The following GRIA4 variants were observed in gnomAD, a reference collection of about 807,000 sequenced individuals.
GRIA4 encodes glutamate receptor 4.
Under a neutral mutation model 104.0 loss-of-function variants are expected in GRIA4, and 34 were observed. The observed-to-expected ratio is 0.33, with a 90% CI of 0.25 to 0.44. The LOEUF (loss-of-function observed/expected upper bound fraction) is 0.44. GRIA4 is among the 20% of genes least tolerant of loss of function. The pLI is 1.00. For missense variants in GRIA4, 750 were observed against 1,096.5 expected (o/e 0.68, Z 4.46); for synonymous variants, 386 against 381.9 (o/e 1.01, Z -0.13).
chr11:105,748,577 T>G (rs1591187338), intron 3 of GRIA4, among the ~76,000 whole-genome samples: 1 of 151,860 alleles, frequency 6.6e-6, no homozygotes, highest in South Asian at 2.1e-4. Context: ...TAGAGACGGG[T>G]TTTCACCATG....
At chr11:105,752,321 C>T (rs945790924) in intron 3 of GRIA4, among the ~76,000 whole-genome samples, 1 of 152,142 alleles carries the variant, frequency 6.6e-6, no homozygotes, top group East Asian at 1.9e-4. Flanking sequence ...CTACAACATG[C>T]GCAGCTGGCC....
chr11:105,626,336 T>G (rs1003287854), intron 3 of GRIA4, among the ~76,000 whole-genome samples: 2 of 151,824 alleles, frequency 1.3e-5, no homozygotes, highest in African/African-American at 4.8e-5. Context: ...CAACAGAAAA[T>G]TCACATTGGA....
intron 4 of GRIA4, among the ~76,000 whole-genome samples, chr11:105,851,713 T>A (rs926997426): frequency 2.0e-5 from 3 of 152,126 alleles, no homozygotes; most frequent in African/African-American, 7.2e-5. Context: ...TCAGTATGAG[T>A]TGAGTGGCGC....
Position 105,920,722 on chromosome 11 carries a change from G to A in GRIA4, c.1476+1804G>A, listed in dbSNP as rs1177890402. Among the ~76,000 whole-genome samples, 3 of 152,090 alleles carry A rather than the reference G, an allele frequency of 2.0e-5. No homozygotes were observed. The East Asian group carries it at 5.8e-4, about 29-fold the overall frequency. On this transcript the variant is annotated intron_variant, in intron 11 of 16. Coordinates refer to ENST00000282499, the MANE Select transcript of GRIA4 (RefSeq NM_000829.4). ...CCCAAAGTTATGCAGTTCTCAAAGA[G>A]ACAAAAGATAACATAATGGTTATTA...
intron 4 of GRIA4, among the ~76,000 whole-genome samples, chr11:105,812,474 T>G (rs1018310280): frequency 2.6e-5 from 4 of 152,230 alleles, no homozygotes; most frequent in Non-Finnish European, 5.9e-5. Flanking sequence ...TGTTACCTAC[T>G]ACCATCTTTG....
At position 105,819,370 on chromosome 11, in the gene GRIA4, T is replaced by A. The variant is rs559143519; in HGVS notation, c.488-42654T>A. Among the ~76,000 whole-genome samples, 4 of 152,252 alleles carry A rather than the reference T, an allele frequency of 2.6e-5. No individual in the cohort carries two copies. In the East Asian group the frequency reaches 5.8e-4, roughly 22 times the overall value. On this transcript the variant is annotated intron_variant, in intron 4 of 16. Coordinates refer to ENST00000282499, the MANE Select transcript of GRIA4 (RefSeq NM_000829.4). ...AAAATAAAAATGATCATGAGCCTATTTTGGTGACAATTAATTCTCATAAAT... is the reference window on the plus strand; with the variant it reads ...AAAATAAAAATGATCATGAGCCTATATTGGTGACAATTAATTCTCATAAAT...
intron 3 of GRIA4, among the ~76,000 whole-genome samples, chr11:105,644,188 T>C (rs528747595): frequency 1.3e-5 from 2 of 152,292 alleles, no homozygotes; most frequent in East Asian, 3.9e-4. Context: ...AAAGGATTAT[T>C]GAAAGATTTT....
chr11:105,817,324 G>C (rs1943418409), intron 4 of GRIA4, among the ~76,000 whole-genome samples: 1 of 148,484 alleles, frequency 6.7e-6, no homozygotes, highest in Non-Finnish European at 1.5e-5. Context: ...AAGAATTTTT[G>C]AGTATCTAGT....
At chr11:105,883,170 T>C (rs1283266943) in intron 5 of GRIA4, among the ~76,000 whole-genome samples, 1 of 152,150 alleles carries the variant, frequency 6.6e-6, no homozygotes, top group Non-Finnish European at 1.5e-5. Context: ...AAACACGTTA[T>C]TTTGGTAAGG....
chr11:105,642,783 C>T (rs1383585587), intron 3 of GRIA4, among the ~76,000 whole-genome samples: 1 of 152,092 alleles, frequency 6.6e-6, no homozygotes, highest in Non-Finnish European at 1.5e-5. Flanking sequence ...AGCCTTGTCC[C>T]CCACATACCA....
chr11:105,905,903 C>G (rs1453861549), intron 9 of GRIA4, among the ~76,000 whole-genome samples: 1 of 152,058 alleles, frequency 6.6e-6, no homozygotes, highest in African/African-American at 2.4e-5. Context: ...GGTATAGGAG[C>G]GGTCTTCCCA....
intron 11 of GRIA4, among the ~76,000 whole-genome samples, chr11:105,923,379 A>G (rs1264884441): frequency 6.6e-6 from 1 of 152,156 alleles, no homozygotes; most frequent in South Asian, 2.1e-4. Context: ...GAAGCAGCCC[A>G]GGCTCAAATC....
At chr11:105,945,526 A>G in intron 14 of GRIA4, 1 of 858,786 alleles carries the variant, frequency 1.2e-6, no homozygotes, top group Non-Finnish European at 1.4e-6. Flanking sequence ...TTCTTTCAAA[A>G]GAATGGCTTC....
intron 3 of GRIA4, among the ~76,000 whole-genome samples, chr11:105,752,307 C>A (rs1940046247): frequency 6.6e-6 from 1 of 151,960 alleles, no homozygotes; most frequent in Admixed American, 6.6e-5. Context: ...GCTTTTCGGC[C>A]CGCCTACAAC....
At chr11:105,941,389 C>A (rs992350137) in intron 14 of GRIA4, among the ~76,000 whole-genome samples, 1 of 152,028 alleles carries the variant, frequency 6.6e-6, no homozygotes, top group Non-Finnish European at 1.5e-5. Flanking sequence ...TCACACAATT[C>A]AAAAATAAAG....
In GRIA4 at chr11:105,895,002, T is replaced by C. The variant is rs1213758564; in HGVS notation, c.727-3267T>C. On this transcript the variant is annotated intron_variant, in intron 6 of 16. Transcript: ENST00000282499. ...TTTTAGTAGAGACGGGGTTTCACCT[T>C]GTTAGCCAGGATGGTCTCGATCTCC... 2.8e-5 allele frequency among the ~76,000 whole-genome samples: 3 copies of C among 108,150 alleles called. 1 individual carries two copies. Among genetic ancestry groups the C allele is most frequent in the Non-Finnish European group, 4.0e-5 (2 of 50,082 alleles). The allele number at this position is 108,150 out of a possible 152,430, so 71.0% of individuals were successfully genotyped here.
intron 3 of GRIA4, among the ~76,000 whole-genome samples, chr11:105,636,943 G>T (rs1951220507): frequency 6.6e-6 from 1 of 152,094 alleles, no homozygotes; most frequent in African/African-American, 2.4e-5. Context: ...CATTCAATCT[G>T]CTGCCTTTTC....
intron 4 of GRIA4, among the ~76,000 whole-genome samples, chr11:105,777,551 C>A (rs1941503805): frequency 6.6e-6 from 1 of 152,068 alleles, no homozygotes; most frequent in African/African-American, 2.4e-5. Flanking sequence ...AACACATGAC[C>A]ATTCAAGAAA....
At chr11:105,717,584 A>G (rs1273239) in intron 3 of GRIA4, among the ~76,000 whole-genome samples, 46 of 152,184 alleles carry the variant, frequency 3.0e-4, no homozygotes, top group African/African-American at 1.0e-3. Flanking sequence ...AGAAGTACAA[A>G]TTCCAATGGT....
Sources: allele counts gnomAD v4.1 joint callset (sites outside exome capture counted in the v4.1 genomes callset), GRCh38; gene constraint gnomAD v4.1.1; transcripts MANE v1.5; gene names NCBI Gene and HGNC (gene_info 2026-07-23, HGNC 2026-07-21).